TRANK1: variants seen among roughly 807,000 people sequenced by gnomAD.
TRANK1 encodes the protein TPR and ankyrin repeat-containing protein 1.
A neutral mutation model predicts 266.0 loss-of-function variants in TRANK1; 198 were observed. The observed-to-expected ratio is 0.74, with a 90% confidence interval of 0.66 to 0.84. The LOEUF is 0.84. Ranked by LOEUF, TRANK1 falls within the 40% of genes least tolerant of loss-of-function variation. The probability of loss-of-function intolerance (pLI) is 0.00; values close to 1 mark genes in which losing one functional copy is unlikely to be tolerated. For synonymous variants in TRANK1, 1,396 were observed against 1,384.1 expected (o/e 1.01, Z -0.19); for missense variants, 3,326 against 3,634.6 (o/e 0.92, Z 2.18).
chr3:36,889,772 C>T, intron 8 of TRANK1, 57 bp downstream of exon 8: 4 of 1,483,520 alleles, frequency 2.7e-6, no homozygotes, highest in Non-Finnish European at 3.6e-6. Context: ...GGTGTGGGTC[C>T]TCAAAGCCTG....
At chr3:36,850,210 A>C in intron 15 of TRANK1, 1 of 985,468 alleles carries the variant, frequency 1.0e-6, no homozygotes, top group African/African-American at 1.7e-5. Flanking sequence ...TATCATTAGA[A>C]AAAAAAGTTA....
chr3:36,866,058 A>C (rs1254151667), intron 9 of TRANK1, among the ~76,000 whole-genome samples: 2 of 117,346 alleles, frequency 1.7e-5, no homozygotes, highest in East Asian at 5.0e-4. Context: ...AAGAAAAAGA[A>C]AGAAAGAAAG....
At chr3:36,838,902 A>G (rs1436935525) in intron 18 of TRANK1, among the ~76,000 whole-genome samples, 186 bp from the exon 19 acceptor site, 2 of 152,246 alleles carry the variant, frequency 1.3e-5, no homozygotes, top group Non-Finnish European at 2.9e-5. Flanking sequence ...AAAACCCAAC[A>G]GTATTCACAT....
chr3:36,846,363 T>C lies in TRANK1; in HGVS notation c.5076A>G (p.Thr1692=), dbSNP rs114259181. Residue 1692 remains threonine, a synonymous_variant, in exon 17 of 24, where the codon ACA becomes ACG. Coordinates refer to ENST00000645898, the MANE Select transcript of TRANK1 (RefSeq NM_001329998.2). ...AGATCCAGAGGTTGACCCGAGCCCG[T>C]GTGATGGCGGTGTACAGCTGCTTCA... is the stretch of plus-strand genomic sequence containing the variant. The part of the protein sequence containing the change: ...GELKQLYTAI[T]RARVNLWIFD... The C allele has an allele frequency of 3.5e-3, 5,663 of 1,613,818 alleles. 118 individuals carry two copies. The African/African-American group carries it at 0.056, about 16-fold the overall frequency.
At position 36,889,873 on chromosome 3, in the gene TRANK1, A is replaced by G; in HGVS notation, c.863T>C (p.Val288Ala). The G allele has an allele frequency of 6.5e-7, 1 of 1,537,282 alleles. No individual in the cohort carries two copies. Residue 288 changes from valine to alanine, a missense_variant, in exon 8 of 24, where the codon GTC (valine) becomes GCC (alanine). Transcript: ENST00000645898. ...GGAGTGGGCAGCGACGACGTGCAGG[A>G]CAGTGCAGCCATCCCCATCCTTCTG... ...INQKDGDGCT[V>A]LHVVAAHSPG...
At chr3:36,891,344 A>C (rs986176211) in intron 7 of TRANK1, among the ~76,000 whole-genome samples, 1 of 151,768 alleles carries the variant, frequency 6.6e-6, no homozygotes, top group African/African-American at 2.4e-5. Context: ...CTCAGTCTCA[A>C]AAAAAAAATC....
chr3:36,913,690 G>C (rs557577651), intron 1 of TRANK1, among the ~76,000 whole-genome samples: 1 of 152,132 alleles, frequency 6.6e-6, no homozygotes, highest in East Asian at 1.9e-4. Flanking sequence ...AGAAGAACAG[G>C]AATTTTCTTA....
chr3:36,866,124 G>A (rs545886714), intron 9 of TRANK1, among the ~76,000 whole-genome samples: 30 of 151,000 alleles, frequency 2.0e-4, no homozygotes, highest in East Asian at 9.7e-4. Flanking sequence ...AAGAGTCACC[G>A]ATGAAGTGTT....
rs768190450 is a variant in TRANK1 at position 36,855,579 on chromosome 3, G to A, written c.4143C>T (p.Cys1381=). 6.2e-7 allele frequency: 1 copy of A among 1,613,810 alleles called. No individual in the cohort carries two copies. The highest frequency in any genetic ancestry group is 8.5e-7 in the Non-Finnish European group (1 of 1,179,838). ...CACTCCGGTCTTCCTTGAAATTGGG[G>A]CACCGTTTCCTCCCTAATTTCTTAT... ...EVYKKLGRKR[C]PNFKEDRSEI... Residue 1381 remains cysteine, a synonymous_variant, in exon 13 of 24, where the codon TGC becomes TGT. Coordinates refer to ENST00000645898, the MANE Select transcript of TRANK1 (RefSeq NM_001329998.2).
At position 36,834,612 on chromosome 3, in the gene TRANK1, G is replaced by T. The variant is rs531106955; in HGVS notation, c.5663+150C>A. 1.5e-5 allele frequency: 12 copies of T among 783,826 alleles called. No homozygotes were observed. In the East Asian group the frequency reaches 3.0e-4, roughly 20 times the overall value. 48.6% of individuals were successfully genotyped at this position (783,826 alleles called of 1,614,324 possible). A position where few individuals can be genotyped will look rare whatever the true frequency, so the allele number is the denominator to read the frequency against. ...AGAGTCCTGCTCTCAAAGAGCTGCT[G>T]ACCCAGCACTGAGGCCATCGCTTAA... is the stretch of plus-strand genomic sequence containing the variant. On this transcript the variant is annotated intron_variant, in intron 21 of 23. Transcript: ENST00000645898.
At chr3:36,902,543 G>A (rs1186180524) in intron 3 of TRANK1, among the ~76,000 whole-genome samples, 1 of 152,182 alleles carries the variant, frequency 6.6e-6, no homozygotes, top group Non-Finnish European at 1.5e-5. Flanking sequence ...ATGAAGAGTG[G>A]CACTCAGGGC....
At chr3:36,859,284 T>A (rs988483721) in intron 11 of TRANK1, among the ~76,000 whole-genome samples, 1 of 150,698 alleles carries the variant, frequency 6.6e-6, no homozygotes, top group Non-Finnish European at 1.5e-5. Context: ...TTTTTTTTTT[T>A]AATACTTTAA....
intron 8 of TRANK1, among the ~76,000 whole-genome samples, chr3:36,874,951 T>C (rs1031139848): frequency 6.6e-6 from 1 of 151,672 alleles, no homozygotes; most frequent in East Asian, 1.9e-4. Flanking sequence ...AAATTCCATA[T>C]GTAAGCTTTC....
intron 11 of TRANK1, among the ~76,000 whole-genome samples, chr3:36,859,531 A>G (rs2079106393): frequency 6.6e-6 from 1 of 151,952 alleles, no homozygotes; most frequent in African/African-American, 2.4e-5. Context: ...CCTTGCTTCT[A>G]CTGAGCTCCT....
In TRANK1 at chr3:36,852,350, A is replaced by T; in HGVS notation, c.4550-5T>A. 2 of 1,556,462 alleles carry T rather than the reference A, an allele frequency of 1.3e-6. No individual in the cohort carries two copies. Among genetic ancestry groups the T allele is most frequent in the Non-Finnish European group, 1.7e-6 (2 of 1,156,820 alleles). On this transcript the variant is annotated splice_region_variant and splice_polypyrimidine_tract_variant and intron_variant, in intron 13 of 23. Coordinates refer to ENST00000645898, the MANE Select transcript of TRANK1 (RefSeq NM_001329998.2). Reference sequence around the variant, plus strand: ...CAGATGCCAGATTGAGGATTCCTGGAATGAAACAGAAAACCCAAGTTGGAT... The same window carrying T: ...CAGATGCCAGATTGAGGATTCCTGGTATGAAACAGAAAACCCAAGTTGGAT...
At chr3:36,896,526 G>T (rs544153224) in intron 4 of TRANK1, among the ~76,000 whole-genome samples, 9 of 152,284 alleles carry the variant, frequency 5.9e-5, no homozygotes, top group African/African-American at 2.2e-4. Flanking sequence ...TTCCAAAAAG[G>T]AGTACTTTGG....
chr3:36,833,018 G>T lies in TRANK1; in HGVS notation c.6565C>A (p.Arg2189=), dbSNP rs141516212. 4.7e-5 allele frequency: 75 copies of T among 1,612,166 alleles called. No homozygotes were observed. The African/African-American group carries it at 9.5e-4, about 20-fold the overall frequency. The change falls in exon 22 of 24, where the codon CGA becomes AGA. Residue 2189 remains arginine (R), a synonymous_variant. Transcript: ENST00000645898. ...ITRSLLGKTY[R]GVCMRFIVGL... is the part of the protein sequence containing the mutation. ...ACAATAAACCTCATGCAGACTCCTC[G>T]GTAGGTCTTCCCAAGCAGGCTCCGT...
At position 36,833,751 on chromosome 3, in the gene TRANK1, C is replaced by G. The variant is rs766117139; in HGVS notation, c.5832G>C (p.Lys1944Asn). The part of the protein sequence containing the change: ...LDIEDQLVFL[K>N]SRKRLAEAAD... ...CAGCTTCTGCTAAGCGTTTCCGAGACTTCAAGAACACCAGCTGGTCTTCTA... is the reference window on the plus strand; with the variant it reads ...CAGCTTCTGCTAAGCGTTTCCGAGAGTTCAAGAACACCAGCTGGTCTTCTA... Residue 1944 changes from lysine to asparagine, a missense_variant, in exon 22 of 24, where the codon AAG becomes AAC. Coordinates refer to ENST00000645898, the MANE Select transcript of TRANK1 (RefSeq NM_001329998.2). 1 of 1,614,040 alleles carries G rather than the reference C, an allele frequency of 6.2e-7. No homozygotes were observed. The highest frequency in any genetic ancestry group is 1.1e-5 in the South Asian group (1 of 91,090).
chr3:36,936,767 C>T (rs1353945078), intron 1 of TRANK1, among the ~76,000 whole-genome samples: 1 of 152,150 alleles, frequency 6.6e-6, no homozygotes, highest in Admixed American at 6.5e-5. Flanking sequence ...ATGGTTCCAA[C>T]TCCCTAAAAC....
Sources: allele counts gnomAD v4.1 joint callset (sites outside exome capture counted in the v4.1 genomes callset), GRCh38; gene constraint gnomAD v4.1.1; transcripts MANE v1.5; gene names NCBI Gene and HGNC (gene_info 2026-07-23, HGNC 2026-07-21).